Variants in RHOT1 observed in about 807,000 individuals in gnomAD.
RHOT1 encodes mitochondrial Rho GTPase 1.
RHOT1 carries 27 observed loss-of-function variants against 95.3 expected under a neutral mutation model. That is an observed-to-expected ratio of 0.28 (90% CI 0.21 to 0.39). The LOEUF (loss-of-function observed/expected upper bound fraction) is 0.39. RHOT1 is among the 10% of genes least tolerant of loss of function. RHOT1 has a pLI of 1.00. For missense variants in RHOT1, 578 were observed against 786.7 expected (o/e 0.73, Z 3.17); for synonymous variants, 227 against 263.5 (o/e 0.86, Z 1.34).
intron 1 of RHOT1, among the ~76,000 whole-genome samples, chr17:32,169,992 A>G (rs192677772): frequency 4.1e-4 from 62 of 152,194 alleles, no homozygotes; most frequent in African/African-American, 1.4e-3. Flanking sequence ...CAGCTTGGGC[A>G]ATCAGAGTGG....
At chr17:32,146,989 C>T (rs2031455065) in intron 1 of RHOT1, among the ~76,000 whole-genome samples, 1 of 150,306 alleles carries the variant, frequency 6.7e-6, no homozygotes, top group Non-Finnish European at 1.5e-5. Context: ...AGTGATCCAC[C>T]CACCTCGGCC....
At chr17:32,202,257 A>G (rs1437681538) in intron 14 of RHOT1, among the ~76,000 whole-genome samples, 2 of 152,132 alleles carry the variant, frequency 1.3e-5, no homozygotes, top group East Asian at 3.8e-4. Flanking sequence ...TGTCCCTATG[A>G]TACAGCATTG....
Position 32,198,991 on chromosome 17 carries a change from C to G in RHOT1, c.914C>G (p.Ala305Gly), listed in dbSNP as rs775690543. 1.2e-6 allele frequency: 2 copies of G among 1,611,988 alleles called. No individual in the cohort carries two copies. The highest frequency in any genetic ancestry group is 2.2e-5 in the South Asian group (2 of 90,818). ...PDCTTELNHHAYLFLQSTFDK... is the reference protein window; with the variant it reads ...PDCTTELNHHGYLFLQSTFDK... ...TGCACTACTGAATTAAATCATCATG[C>G]ATATTTATTTCTCCAAAGCACCTTT... is the stretch of plus-strand genomic sequence containing the variant. Residue 305 changes from alanine to glycine, a missense_variant, in exon 12 of 20, where the codon GCA (alanine) becomes GGA (glycine). By Grantham distance (60) the Ala-to-Gly change is moderately conservative. Transcript: ENST00000545287.
At chr17:32,223,433 G>A (rs1460120683) in intron 19 of RHOT1, among the ~76,000 whole-genome samples, 1 of 84,580 alleles carries the variant, frequency 1.2e-5, no homozygotes, top group Non-Finnish European at 2.4e-5. Flanking sequence ...TTTTTTTTTT[G>A]CGATAGAGTC....
At chr17:32,171,128 A>G (rs2034536018) in intron 2 of RHOT1, 27 bp downstream of exon 2, 1 of 1,419,218 alleles carries the variant, frequency 7.0e-7, no homozygotes, top group African/African-American at 1.4e-5. Context: ...CCATATTTAA[A>G]TTTTAAAAAA....
intron 1 of RHOT1, among the ~76,000 whole-genome samples, chr17:32,154,479 C>A (rs1368559397): frequency 6.7e-6 from 1 of 148,358 alleles, no homozygotes; most frequent in Non-Finnish European, 1.5e-5. Context: ...CCCAGCTACT[C>A]GGGAGGCTGA....
Position 32,197,432 on chromosome 17 carries a change from T to A in RHOT1, c.870-1515T>A, listed in dbSNP as rs1409600996. ...CTTCTTTTTTCTTATTTTTTTATTT[T>A]TTTATTTTTTGAGATGGAGTCTCGC... On this transcript the variant is annotated intron_variant, in intron 11 of 19. Coordinates refer to ENST00000545287, the MANE Select transcript of RHOT1 (RefSeq NM_001033566.3). 4.0e-5 allele frequency among the ~76,000 whole-genome samples: 6 copies of A among 148,282 alleles called. 1 individual carries two copies. The highest frequency in any genetic ancestry group is 1.5e-4 in the African/African-American group (6 of 39,104).
At chr17:32,161,006 T>G (rs1343939772) in intron 1 of RHOT1, among the ~76,000 whole-genome samples, 1 of 152,130 alleles carries the variant, frequency 6.6e-6, no homozygotes, top group African/African-American at 2.4e-5. Context: ...AGAGTTAGCT[T>G]CAGATCCACT....
chr17:32,142,775 G>T, intron 1 of RHOT1, 46 bp downstream of exon 1: 1 of 1,440,746 alleles, frequency 6.9e-7, no homozygotes. Context: ...TGCCCTCCCT[G>T]CCCCTGCAGC....
chr17:32,219,019 G>A (rs2038663799), intron 19 of RHOT1, among the ~76,000 whole-genome samples: 1 of 152,070 alleles, frequency 6.6e-6, no homozygotes, highest in African/African-American at 2.4e-5. Context: ...ATATATATAT[G>A]GGTAGAGTTG....
At chr17:32,202,109 A>G (rs577869760) in intron 14 of RHOT1, among the ~76,000 whole-genome samples, 253 of 152,142 alleles carry the variant, frequency 1.7e-3, no homozygotes, top group African/African-American at 5.8e-3. Context: ...ATGGGGTTTC[A>G]CTGTGTTGGC....
Position 32,149,635 on chromosome 17 carries a change from A to ATGTGTGTGTGTGTGTG in RHOT1, c.37+6918_37+6933dup, listed in dbSNP as rs1300585666. Among the ~76,000 whole-genome samples the ATGTGTGTGTGTGTGTG allele has an allele frequency of 3.0e-3, 176 of 59,010 alleles. 2 individuals carry two copies. The highest frequency in any genetic ancestry group is 7.0e-3 in the South Asian group (8 of 1,148). The allele number at this position is 59,010 out of a possible 152,430, so 38.7% of individuals were successfully genotyped here. On this transcript the variant is annotated intron_variant, in intron 1 of 19. Coordinates refer to ENST00000545287, the MANE Select transcript of RHOT1 (RefSeq NM_001033566.3). ...TATATATATATATATATATATATAT[A>ATGTGTGTGTGTGTGTG]TGTGTGTGTGTGTGTGTGTGTGTGT...
At chr17:32,154,834 G>A (rs2032769217) in intron 1 of RHOT1, among the ~76,000 whole-genome samples, 1 of 151,896 alleles carries the variant, frequency 6.6e-6, no homozygotes. Context: ...GGCGGAGGTT[G>A]CAGTGAGCCG....
chr17:32,200,435 A>T (rs1457127034), intron 13 of RHOT1, among the ~76,000 whole-genome samples: 1 of 152,058 alleles, frequency 6.6e-6, no homozygotes, highest in Admixed American at 6.6e-5. Context: ...ACCATCTTGC[A>T]TTCTTCTCCC....
At chr17:32,152,678 T>C (rs936902061) in intron 1 of RHOT1, among the ~76,000 whole-genome samples, 4 of 152,100 alleles carry the variant, frequency 2.6e-5, no homozygotes, top group Non-Finnish European at 5.9e-5. Flanking sequence ...GAACAAAACA[T>C]CTCTTGAAAG....
At chr17:32,204,635 TAAAA>T (rs57746638) in intron 16 of RHOT1, among the ~76,000 whole-genome samples, 1 of 149,336 alleles carries the variant, frequency 6.7e-6, no homozygotes, top group Non-Finnish European at 1.5e-5. Context: ...TTAAAAAAAT[TAAAA>T]AAAAAATTAA....
chr17:32,147,972 T>C (rs9889502), intron 1 of RHOT1, among the ~76,000 whole-genome samples: 5,208 of 151,934 alleles, frequency 0.034, 298 homozygotes, highest in African/African-American at 0.12. Flanking sequence ...TTAATGAAAA[T>C]TGCTTAATAA....
intron 14 of RHOT1, among the ~76,000 whole-genome samples, chr17:32,201,818 A>G (rs1334820837): frequency 6.6e-6 from 1 of 151,508 alleles, no homozygotes; most frequent in African/African-American, 2.4e-5. Flanking sequence ...TATTTTTATC[A>G]TTTTCGGTTT....
chr17:32,151,280 C>T (rs2032257889), intron 1 of RHOT1: 2 of 674,892 alleles, frequency 3.0e-6, no homozygotes, highest in Non-Finnish European at 5.7e-6. Context: ...ATGCCTTCTC[C>T]ATATTGCTGT....
Sources: gnomAD v4.1 joint callset for allele counts (sites outside exome capture counted in the v4.1 genomes callset) on GRCh38, gnomAD v4.1.1 for gene constraint, MANE v1.5 for transcripts, NCBI Gene and HGNC (gene_info 2026-07-23, HGNC 2026-07-21) for gene names.